Variants in CEP170 observed in about 807,000 individuals in gnomAD.
CEP170 encodes the protein centrosomal protein 170.
A neutral mutation model predicts 151.9 loss-of-function variants in CEP170; 21 were observed. The observed-to-expected ratio is 0.14, with a 90% CI of 0.10 to 0.20. CEP170 has a LOEUF of 0.20. CEP170 is among the 10% of genes least tolerant of loss of function. The probability of loss-of-function intolerance (pLI) is 1.00; values close to 1 mark genes in which losing one functional copy is unlikely to be tolerated. For missense variants in CEP170, 964 were observed against 1,892.9 expected (o/e 0.51, Z 9.11); for synonymous variants, 356 against 648.8 (o/e 0.55, Z 6.86).
In CEP170 at chr1:243,166,076, A is replaced by C; in HGVS notation, c.1884T>G (p.Thr628=). 6.2e-7 allele frequency: 1 copy of C among 1,612,898 alleles called. No individual in the cohort carries two copies. Among genetic ancestry groups the C allele is most frequent in the Non-Finnish European group, 8.5e-7 (1 of 1,179,348 alleles). The change falls in exon 13 of 20, where the codon ACT becomes ACG. Residue 628 remains threonine (T), a synonymous_variant. Transcript: ENST00000366542. The part of the protein sequence containing the change: ...ISESGMTVRS[T]GSATSLASQG... ...GGCTAGCCAAGGAAGTTGCAGAGCC[A>C]GTACTTCTCACTGTCATGCCAGACT...
chr1:243,203,267 A>G (rs551066457), intron 4 of CEP170, among the ~76,000 whole-genome samples: 28 of 152,358 alleles, frequency 1.8e-4, no homozygotes, highest in African/African-American at 6.3e-4. Context: ...TAAGTTATAA[A>G]AAGTTTGAAT....
At chr1:243,207,323 A>T (rs538557009) in intron 4 of CEP170, among the ~76,000 whole-genome samples, 2 of 152,290 alleles carry the variant, frequency 1.3e-5, no homozygotes, top group East Asian at 3.9e-4. Flanking sequence ...ATAGAGGGGG[A>T]TAATTCATCA....
At chr1:243,137,273 T>C (rs1338552511) in intron 16 of CEP170, among the ~76,000 whole-genome samples, 6 of 152,226 alleles carry the variant, frequency 3.9e-5, no homozygotes, top group Admixed American at 3.9e-4. Context: ...AGTCTAGCTG[T>C]GGGTTTCAAA....
chr1:243,131,499 A>C (rs71652470), intron 17 of CEP170, among the ~76,000 whole-genome samples: 13 of 152,062 alleles, frequency 8.5e-5, no homozygotes, highest in Non-Finnish European at 1.6e-4. Flanking sequence ...AAAACAAAAA[A>C]CAAAAAAACA....
intron 13 of CEP170, among the ~76,000 whole-genome samples, chr1:243,162,663 C>T (rs1294436137): frequency 2.0e-5 from 3 of 152,210 alleles, no homozygotes; most frequent in Middle Eastern, 3.4e-3. Flanking sequence ...TCCTAAATAT[C>T]GAGGAATAAA....
intron 14 of CEP170, among the ~76,000 whole-genome samples, chr1:243,143,545 A>G (rs1341467720): frequency 2.6e-5 from 4 of 152,164 alleles, no homozygotes; most frequent in Non-Finnish European, 2.9e-5. Flanking sequence ...TACCACTGAT[A>G]TTCTTGTTTT....
chr1:243,208,342 G>T (rs922266774), intron 4 of CEP170, among the ~76,000 whole-genome samples: 1 of 146,572 alleles, frequency 6.8e-6, no homozygotes, highest in African/African-American at 2.5e-5. Context: ...CTTTTTAGAT[G>T]TATGTCATTT....
Position 243,171,727 on chromosome 1 carries a change from A to T in CEP170, c.1716+970T>A, listed in dbSNP as rs2058859471. Among the ~76,000 whole-genome samples, 8 of 152,314 alleles carry T rather than the reference A, an allele frequency of 5.3e-5. No individual in the cohort carries two copies. In the South Asian group the frequency reaches 1.7e-3, roughly 32 times the overall value. ...GTAAAAAACATTTGTTAAGTGCATA[A>T]ATCTCAGGCAAGTACTATGCTGGAT... On this transcript the variant is annotated intron_variant, in intron 11 of 19. Coordinates refer to ENST00000366542, the MANE Select transcript of CEP170 (RefSeq NM_014812.3).
intron 1 of CEP170, among the ~76,000 whole-genome samples, chr1:243,243,866 A>G (rs1413277608): frequency 6.6e-6 from 1 of 151,904 alleles, no homozygotes; most frequent in East Asian, 1.9e-4. Flanking sequence ...ACACACACAT[A>G]CACAAATGCC....
chr1:243,138,849 T>G (rs2148282012), intron 16 of CEP170, among the ~76,000 whole-genome samples: 1 of 152,320 alleles, frequency 6.6e-6, no homozygotes, highest in East Asian at 1.9e-4. Context: ...TGCTAGATCA[T>G]GTGATGTCTT....
intron 8 of CEP170, among the ~76,000 whole-genome samples, chr1:243,186,988 T>C (rs1453154424): frequency 6.6e-6 from 1 of 152,218 alleles, no homozygotes; most frequent in Non-Finnish European, 1.5e-5. Flanking sequence ...CCCCATTAAT[T>C]ATTGCAAAAT....
intron 14 of CEP170, among the ~76,000 whole-genome samples, chr1:243,150,729 A>T (rs529101360): frequency 6.6e-6 from 1 of 152,344 alleles, no homozygotes; most frequent in South Asian, 2.1e-4. Flanking sequence ...TTCTAACTAT[A>T]ATCATAAACC....
rs545622269 is a variant in CEP170 at position 243,186,581 on chromosome 1, C to A, written c.1109-159G>T. ...CAGGCTCGGCAAACTTGCTCAATTG[C>A]AATGGTTACATTCAAATTTTATCAA... On this transcript the variant is annotated intron_variant, in intron 8 of 19. Transcript: ENST00000366542. 6.3e-6 allele frequency: 4 copies of A among 631,250 alleles called. No homozygotes were observed. In the South Asian group the frequency reaches 9.3e-5, roughly 15 times the overall value. The allele number at this position is 631,250 out of a possible 1,614,324, so 39.1% of individuals were successfully genotyped here.
At chr1:243,158,537 G>T (rs1318021074) in intron 13 of CEP170, among the ~76,000 whole-genome samples, 1 of 152,228 alleles carries the variant, frequency 6.6e-6, no homozygotes, top group African/African-American at 2.4e-5. Flanking sequence ...GAAAGCAGAA[G>T]GAGAAATTGA....
intron 1 of CEP170, among the ~76,000 whole-genome samples, chr1:243,226,198 GATATAT>G: frequency 4.1e-4 from 1 of 2,454 alleles, no homozygotes; most frequent in South Asian, 0.026. Flanking sequence ...TATATATCTA[GATATAT>G]ATATATCTAT....
At chr1:243,149,105 C>A (rs1430827463) in intron 14 of CEP170, among the ~76,000 whole-genome samples, 2 of 152,082 alleles carry the variant, frequency 1.3e-5, no homozygotes, top group Non-Finnish European at 2.9e-5. Context: ...AGGCACCTCC[C>A]ATTATTGTGA....
chr1:243,235,204 GAAGA>G (rs2064146078), intron 1 of CEP170, among the ~76,000 whole-genome samples: 2 of 152,118 alleles, frequency 1.3e-5, no homozygotes, highest in Admixed American at 6.6e-5. Flanking sequence ...GGGGCAGTGG[GAAGA>G]AAGAAACATG....
chr1:243,169,551 G>C (rs1249171065), intron 12 of CEP170, 77 bp downstream of exon 12: 2 of 1,465,832 alleles, frequency 1.4e-6, no homozygotes, highest in Non-Finnish European at 1.8e-6. Context: ...AAAAAGCAGA[G>C]AAGAGTAAGA....
At chr1:243,187,700 T>C (rs1274224829) in intron 8 of CEP170, among the ~76,000 whole-genome samples, 1 of 152,170 alleles carries the variant, frequency 6.6e-6, no homozygotes, top group Non-Finnish European at 1.5e-5. Context: ...GTGTTAATGT[T>C]TATAGGTTGT....
Sources: gnomAD v4.1 joint callset for allele counts (sites outside exome capture counted in the v4.1 genomes callset) on GRCh38, gnomAD v4.1.1 for gene constraint, MANE v1.5 for transcripts, NCBI Gene and HGNC (gene_info 2026-07-23, HGNC 2026-07-21) for gene names.